COL4A4: variants seen among roughly 807,000 people sequenced by gnomAD.
The protein encoded by COL4A4 is collagen alpha-4(IV) chain.
Under a neutral mutation model 192.9 loss-of-function variants are expected in COL4A4, and 105 were observed. That is an observed-to-expected ratio of 0.54 (90% CI 0.46 to 0.64). The LOEUF is 0.64. Among genes scored for constraint, COL4A4 ranks in the 30% least tolerant of loss-of-function variants. The pLI is 0.00. For missense variants in COL4A4, 1,967 were observed against 2,169.3 expected (o/e 0.91, Z 1.85); for synonymous variants, 762 against 769.9 (o/e 0.99, Z 0.17).
At chr2:227,080,404 GA>G (rs1663617259) in intron 24 of COL4A4, 38 bp downstream of exon 24, 1 of 1,546,018 alleles carries the variant, frequency 6.5e-7, no homozygotes, top group South Asian at 1.1e-5. Context: ...GACCATATAA[GA>G]AAGTGAAATT....
Position 227,033,270 on chromosome 2 carries a change from A to T in COL4A4, c.3577+140T>A, listed in dbSNP as rs1254594830. ...TTTCAGCACTAAAAATAGCTCCAAT[A>T]GTGTGTCTCTAACCTAAGCCAGTTT... On this transcript the variant is annotated intron_variant, in intron 38 of 47. Transcript: ENST00000396625. 1.6e-5 allele frequency: 11 copies of T among 702,634 alleles called. No homozygotes were observed. In the Admixed American group the frequency reaches 2.1e-4, roughly 13 times the overall value. The allele number at this position is 702,634 out of a possible 1,614,324, so 43.5% of individuals were successfully genotyped here. A position where few individuals can be genotyped will look rare whatever the true frequency, so the allele number is the denominator to read the frequency against.
chr2:227,077,865 T>A, intron 25 of COL4A4, 29 bp downstream of exon 25: 16 of 1,585,978 alleles, frequency 1.0e-5, no homozygotes, highest in Non-Finnish European at 1.3e-5. Flanking sequence ...CCAAAGCTAT[T>A]GAAATAAATA....
At chr2:227,104,828 C>CG (rs2060737213) in intron 12 of COL4A4, among the ~76,000 whole-genome samples, 4 of 150,886 alleles carry the variant, frequency 2.7e-5, no homozygotes, top group African/African-American at 9.7e-5. Flanking sequence ...TTAGTAGAGA[C>CG]GGGGGTTTCT....
Position 227,005,958 on chromosome 2 carries a change from A to C in COL4A4, c.*1367T>G, listed in dbSNP as rs1395670870. On this transcript the variant is annotated 3_prime_UTR_variant, in exon 48 of 48. Transcript: ENST00000396625. ...TGCTTTACAGAAAAAAATAATCATT[A>C]TAAATTGACACACATTCTAAACTTT... The C allele has an allele frequency of 6.6e-6, 1 of 152,274 alleles. No individual in the cohort carries two copies. Among genetic ancestry groups the C allele is most frequent in the African/African-American group, 2.4e-5 (1 of 41,460 alleles). The allele number at this position is 152,274 out of a possible 1,614,324, so 9.4% of individuals were successfully genotyped here. A position where few individuals can be genotyped will look rare whatever the true frequency, so the allele number is the denominator to read the frequency against.
chr2:227,109,948 T>C (rs1002729949), intron 9 of COL4A4, among the ~76,000 whole-genome samples: 8 of 152,206 alleles, frequency 5.3e-5, no homozygotes, highest in Non-Finnish European at 1.2e-4. Context: ...ATCAGGATGC[T>C]TTTAAAGTAT....
At chr2:227,140,134 G>C (rs371719472) in intron 4 of COL4A4, 27 bp downstream of exon 4, 61 of 1,584,904 alleles carry the variant, frequency 3.8e-5, no homozygotes, top group Non-Finnish European at 4.9e-5. Flanking sequence ...CAGGAATGCT[G>C]CCCATGTTGG....
At chr2:227,082,663 G>A (rs537615121) in intron 22 of COL4A4, among the ~76,000 whole-genome samples, 1 of 152,134 alleles carries the variant, frequency 6.6e-6, no homozygotes, top group Non-Finnish European at 1.5e-5. Context: ...ATAACTACAA[G>A]AGCTGCCACC....
At chr2:226,973,815 TGTGAGC>T in the COL4A4 span, among the ~76,000 whole-genome samples, 2 of 152,356 alleles carry the variant, frequency 1.3e-5, no homozygotes, top group East Asian at 3.9e-4. Context: ...GCAGCATTCC[TGTGAGC>T]GTTAGAACAA....
chr2:227,064,790 T>G (rs1458605982), intron 25 of COL4A4, among the ~76,000 whole-genome samples: 1 of 152,198 alleles, frequency 6.6e-6, no homozygotes, highest in African/African-American at 2.4e-5. Flanking sequence ...AAAACTAAAT[T>G]TCATAAATGA....
chr2:227,156,491 G>GAAA (rs397973979), intron 1 of COL4A4, among the ~76,000 whole-genome samples: 6,278 of 146,610 alleles, frequency 0.043, 181 homozygotes, highest in Admixed American at 0.07. Context: ...TCGGGAAATG[G>GAAA]AAAAAAAAAA....
At chr2:227,164,388 C>T, upstream of COL4A4, 2 of 433,298 alleles carry the variant, frequency 4.6e-6, no homozygotes, top group South Asian at 4.5e-5. The surrounding 1 kb of genome is among the most constrained non-coding windows in gnomAD (Gnocchi z 4.8). Context: ...ACCTCCTTAA[C>T]CCCTTACCCT....
intron 37 of COL4A4, among the ~76,000 whole-genome samples, chr2:227,039,283 C>T (rs1276353960): frequency 6.6e-6 from 1 of 152,178 alleles, no homozygotes; most frequent in Non-Finnish European, 1.5e-5. Context: ...TCTTCTGCCT[C>T]AGCTTCCCAA....
intron 15 of COL4A4, among the ~76,000 whole-genome samples, chr2:227,102,579 C>T (rs2060583679): frequency 6.6e-6 from 1 of 152,210 alleles, no homozygotes; most frequent in East Asian, 1.9e-4. Flanking sequence ...CCAAATTCTT[C>T]TATCTTTTGC....
chr2:227,121,184 T>G (rs141879616), intron 4 of COL4A4, 36 bp from the exon 5 acceptor site: 1 of 1,610,358 alleles, frequency 6.2e-7, no homozygotes, highest in East Asian at 2.2e-5. Flanking sequence ...GGGGGTGCAA[T>G]TCTTAATTAC....
chr2:227,047,754 C>T (rs1171000542), intron 34 of COL4A4, among the ~76,000 whole-genome samples: 1 of 151,080 alleles, frequency 6.6e-6, no homozygotes, highest in Non-Finnish European at 1.5e-5. Context: ...CACACACACA[C>T]ACACACACGG....
chr2:227,143,958 T>C (rs1192111604), intron 3 of COL4A4, among the ~76,000 whole-genome samples: 2 of 152,256 alleles, frequency 1.3e-5, no homozygotes. Flanking sequence ...AATAACTTGA[T>C]TCACTGAAAT....
chr2:227,063,131 T>C (rs993290305), intron 25 of COL4A4, among the ~76,000 whole-genome samples: 2 of 152,184 alleles, frequency 1.3e-5, no homozygotes, highest in African/African-American at 4.8e-5. Context: ...GTGCTTCAAG[T>C]ATATTGTCTC....
intron 38 of COL4A4, among the ~76,000 whole-genome samples, chr2:227,032,613 G>A (rs757474545): frequency 6.6e-5 from 10 of 152,210 alleles, no homozygotes; most frequent in Non-Finnish European, 1.2e-4. Context: ...AATTTGAGGT[G>A]GAAACTGGCA....
At chr2:227,076,134 A>C (rs2059012928) in intron 25 of COL4A4, among the ~76,000 whole-genome samples, 1 of 152,150 alleles carries the variant, frequency 6.6e-6, no homozygotes, top group African/African-American at 2.4e-5. Context: ...TAGAAAAAAA[A>C]ATTACTTTAA....
Sources: allele counts gnomAD v4.1 joint callset (sites outside exome capture counted in the v4.1 genomes callset), GRCh38; gene constraint gnomAD v4.1.1; non-coding constraint Gnocchi (gnomAD v3.1); transcripts MANE v1.5; gene names NCBI Gene and HGNC (gene_info 2026-07-23, HGNC 2026-07-21).